Variants in TRAK1 observed in about 807,000 individuals in gnomAD.
The protein encoded by TRAK1 is trafficking kinesin protein 1, also known as trafficking kinesin-binding protein 1.
In TRAK1, 33 loss-of-function variants were observed where a neutral mutation model predicts 92.1. That is an observed-to-expected ratio of 0.36 (90% CI 0.27 to 0.48). The LOEUF (loss-of-function observed/expected upper bound fraction) is 0.48. Ranked by LOEUF, TRAK1 falls within the 20% of genes least tolerant of loss-of-function variation. The pLI is 0.99. For missense variants in TRAK1, 1,123 were observed against 1,257.9 expected (o/e 0.89, Z 1.62); for synonymous variants, 521 against 517.3 (o/e 1.01, Z -0.10).
chr3:42,078,518 C>G (rs983052410), intron 1 of TRAK1, among the ~76,000 whole-genome samples: 8 of 152,008 alleles, frequency 5.3e-5, no homozygotes, highest in African/African-American at 1.7e-4. Context: ...CTTTGGGAGG[C>G]TGAGGCAGGC....
chr3:42,109,277 A>G (rs2149060289), intron 1 of TRAK1, among the ~76,000 whole-genome samples: 1 of 152,332 alleles, frequency 6.6e-6, no homozygotes, highest in South Asian at 2.1e-4. Context: ...TCATTATAAG[A>G]AAGTGCAACT....
chr3:42,193,723 G>A, intron 8 of TRAK1, 101 bp from the exon 9 acceptor site: 1 of 1,205,212 alleles, frequency 8.3e-7, no homozygotes, highest in East Asian at 2.3e-5. Context: ...GCATGTCCTT[G>A]TAGAAAGTGA....
chr3:42,217,095 CTCTTT>C (rs1225711292), intron 14 of TRAK1: 10 of 228,702 alleles, frequency 4.4e-5, no homozygotes, highest in Admixed American at 2.0e-4. Context: ...CTCTCTCTCT[CTCTTT>C]TTTTTTTTTT....
chr3:42,167,409 A>G (rs1702009854), intron 2 of TRAK1, among the ~76,000 whole-genome samples: 1 of 152,192 alleles, frequency 6.6e-6, no homozygotes, highest in Admixed American at 6.5e-5. Flanking sequence ...GCCCTGCTGT[A>G]ACCATTTTTG....
At chr3:42,135,931 T>C (rs1309673348) in intron 2 of TRAK1, among the ~76,000 whole-genome samples, 1 of 152,194 alleles carries the variant, frequency 6.6e-6, no homozygotes, top group Non-Finnish European at 1.5e-5. Context: ...TCACACTAGC[T>C]GTTCTTACCA....
intron 1 of TRAK1, among the ~76,000 whole-genome samples, chr3:42,016,003 C>T (rs1701509267): frequency 1.3e-5 from 2 of 152,170 alleles, no homozygotes; most frequent in African/African-American, 4.8e-5. Flanking sequence ...CGCCACTGCA[C>T]TTCAGCCAGG....
intron 1 of TRAK1, among the ~76,000 whole-genome samples, chr3:42,016,199 T>G (rs1701518130): frequency 6.6e-6 from 1 of 151,902 alleles, no homozygotes; most frequent in Non-Finnish European, 1.5e-5. Context: ...TGCATTCTGG[T>G]TTTTTGTTTT....
chr3:42,019,433 T>G (rs556782475), intron 1 of TRAK1, among the ~76,000 whole-genome samples: 2 of 152,200 alleles, frequency 1.3e-5, no homozygotes, highest in East Asian at 3.9e-4. Context: ...CTTGGCTAAT[T>G]TTCTTTTCTT....
chr3:42,030,124 T>A (rs1170653293), intron 1 of TRAK1, among the ~76,000 whole-genome samples: 1 of 152,164 alleles, frequency 6.6e-6, no homozygotes, highest in Non-Finnish European at 1.5e-5. Context: ...TACATAATTT[T>A]AAAATCCTGG....
intron 1 of TRAK1, among the ~76,000 whole-genome samples, chr3:42,094,518 G>A (rs1289115835): frequency 1.3e-5 from 2 of 151,706 alleles, no homozygotes; most frequent in Non-Finnish European, 2.9e-5. Context: ...CTGCGACTAT[G>A]GGCTGGAGCC....
At chr3:42,135,656 A>C (rs1322488728) in intron 2 of TRAK1, among the ~76,000 whole-genome samples, 3 of 152,248 alleles carry the variant, frequency 2.0e-5, no homozygotes, top group African/African-American at 7.2e-5. Context: ...TTTGTGTGGA[A>C]TTGGACTGTG....
chr3:42,048,008 A>G (rs1426530886), intron 1 of TRAK1, among the ~76,000 whole-genome samples: 1 of 149,668 alleles, frequency 6.7e-6, no homozygotes, highest in Non-Finnish European at 1.5e-5. Flanking sequence ...AAATCCTTCT[A>G]CAATAAACAT....
chr3:42,117,662 G>A (rs1709332263), intron 1 of TRAK1, among the ~76,000 whole-genome samples: 1 of 152,120 alleles, frequency 6.6e-6, no homozygotes, highest in South Asian at 2.1e-4. Context: ...TCAAGCTCCA[G>A]CGTGCAGGCA....
chr3:42,067,970 G>C (rs899658712), intron 1 of TRAK1, among the ~76,000 whole-genome samples: 9 of 151,954 alleles, frequency 5.9e-5, no homozygotes, highest in African/African-American at 2.2e-4. Context: ...TCAGGAGTTC[G>C]AGACCAGCCT....
intron 1 of TRAK1, among the ~76,000 whole-genome samples, chr3:42,111,830 A>C (rs1708443043): frequency 6.6e-6 from 1 of 152,076 alleles, no homozygotes; most frequent in African/African-American, 2.4e-5. Context: ...CCTATGACAA[A>C]ATTTGATGCC....
rs560063264 is a variant in TRAK1 at position 42,107,380 on chromosome 3, T to C, written c.91+15820T>C. 3.3e-3 allele frequency among the ~76,000 whole-genome samples: 501 copies of C among 152,068 alleles called. 5 individuals carry two copies. Among genetic ancestry groups the C allele is most frequent in the Non-Finnish European group, 5.5e-3 (377 of 67,978 alleles). On this transcript the variant is annotated intron_variant, in intron 1 of 15. Transcript: ENST00000327628. ...TACGAAAATTAGCCTGGCGTGGTGG[T>C]GCGTGCCTGTAGTCCCAGTTACTTG... is the stretch of plus-strand genomic sequence containing the variant.
At chr3:42,052,883 A>T (rs1431844930) in intron 1 of TRAK1, among the ~76,000 whole-genome samples, 3 of 152,132 alleles carry the variant, frequency 2.0e-5, no homozygotes, top group Admixed American at 2.0e-4. Flanking sequence ...GCTCTGAGAA[A>T]ACTGGTGGCT....
intron 2 of TRAK1, among the ~76,000 whole-genome samples, chr3:42,131,531 A>G (rs1697187734): frequency 6.6e-6 from 1 of 151,988 alleles, no homozygotes; most frequent in Non-Finnish European, 1.5e-5. Context: ...AGCCTGGCTA[A>G]CATGGCGAAA....
chr3:42,196,274 C>T (rs577792657), intron 10 of TRAK1, among the ~76,000 whole-genome samples: 1 of 152,326 alleles, frequency 6.6e-6, no homozygotes, highest in Admixed American at 6.5e-5. Flanking sequence ...GCCTCTTTTG[C>T]TCCTAGCCAT....
Sources: allele counts gnomAD v4.1 joint callset (sites outside exome capture counted in the v4.1 genomes callset), GRCh38; gene constraint gnomAD v4.1.1; transcripts MANE v1.5; gene names NCBI Gene and HGNC (gene_info 2026-07-23, HGNC 2026-07-21).